Variants in GPHN observed in about 807,000 individuals in gnomAD.
The protein encoded by GPHN is gephyrin.
GPHN carries 17 observed loss-of-function variants against 95.5 expected under a neutral mutation model. The observed-to-expected ratio is 0.18, with a 90% confidence interval of 0.12 to 0.27. The LOEUF (loss-of-function observed/expected upper bound fraction) is 0.27, where lower values mean the gene tolerates loss of function less well. Among genes scored for constraint, GPHN ranks in the 10% least tolerant of loss-of-function variants. The pLI is 1.00. For missense variants in GPHN, 660 were observed against 978.1 expected (o/e 0.67, Z 4.34); for synonymous variants, 320 against 322.5 (o/e 0.99, Z 0.08).
At chr14:66,850,643 A>G (rs2062542343) in intron 4 of GPHN, among the ~76,000 whole-genome samples, 1 of 152,146 alleles carries the variant, frequency 6.6e-6, no homozygotes. Context: ...TCAGGTGGGT[A>G]GAGCCCAGGA....
At chr14:67,490,052 G>A in the GPHN span, among the ~76,000 whole-genome samples, 4 of 152,128 alleles carry the variant, frequency 2.6e-5, no homozygotes, top group African/African-American at 7.2e-5. Context: ...AATTTCTTGA[G>A]ATCATAAAAT....
chr14:66,718,449 CCAAA>C (rs2070404034), intron 2 of GPHN, among the ~76,000 whole-genome samples: 1 of 152,176 alleles, frequency 6.6e-6, no homozygotes, highest in African/African-American at 2.4e-5. Flanking sequence ...TAGTGCGGAC[CCAAA>C]CAGTGAGCAG....
At chr14:67,715,767 C>A in the GPHN span, among the ~76,000 whole-genome samples, 2 of 152,114 alleles carry the variant, frequency 1.3e-5, no homozygotes, top group Non-Finnish European at 2.9e-5. Context: ...AATCTCATAA[C>A]CAGGGAGAGA....
intron 1 of GPHN, among the ~76,000 whole-genome samples, chr14:66,665,848 C>T (rs2065918278): frequency 6.6e-6 from 1 of 152,108 alleles, no homozygotes; most frequent in Non-Finnish European, 1.5e-5. Context: ...CTTGGAACCT[C>T]CCCAAATGTC....
chr14:66,800,723 T>C (rs568271242), intron 3 of GPHN, among the ~76,000 whole-genome samples: 8 of 152,188 alleles, frequency 5.3e-5, no homozygotes, highest in Admixed American at 1.3e-4. Context: ...CTACAATGGC[T>C]ATTGATATCT....
chr14:66,770,757 A>T (rs1224549757), intron 2 of GPHN, among the ~76,000 whole-genome samples: 1 of 152,162 alleles, frequency 6.6e-6, no homozygotes, highest in Non-Finnish European at 1.5e-5. Flanking sequence ...GCCATCCAAA[A>T]ATATTAATAT....
intron 4 of GPHN, among the ~76,000 whole-genome samples, chr14:66,841,778 C>G (rs2062098653): frequency 2.6e-5 from 4 of 152,108 alleles, no homozygotes; most frequent in Admixed American, 1.3e-4. Flanking sequence ...TGGTGACTCA[C>G]ACCTGTAATC....
intron 9 of GPHN, among the ~76,000 whole-genome samples, chr14:66,995,841 A>C (rs1330530764): frequency 6.6e-6 from 1 of 152,208 alleles, no homozygotes; most frequent in Admixed American, 6.5e-5. Flanking sequence ...CACTAGTGTT[A>C]AGCCAGTGAA....
the GPHN span, chr14:67,729,215 TG>T: frequency 3.7e-6 from 6 of 1,612,462 alleles, no homozygotes; most frequent in Non-Finnish European, 4.2e-6. Context: ...ACCTACGCAG[TG>T]CACCCAGGCG....
chr14:67,023,742 G>A (rs1323091814), intron 10 of GPHN, 67 bp downstream of exon 10: 1 of 1,321,520 alleles, frequency 7.6e-7, no homozygotes, highest in Non-Finnish European at 1.1e-6. Context: ...TGATATTTTG[G>A]TGAAAAAAAA....
chr14:67,317,591 GT>G, the GPHN span: 10 of 654,038 alleles, frequency 1.5e-5, no homozygotes, highest in African/African-American at 1.9e-4. Flanking sequence ...TTAGTAGAAA[GT>G]ATTTTCTTTT....
chr14:66,612,721 G>C (rs1372554452), intron 1 of GPHN, among the ~76,000 whole-genome samples: 1 of 152,016 alleles, frequency 6.6e-6, no homozygotes, highest in African/African-American at 2.4e-5. Flanking sequence ...CCTCTTTCCA[G>C]TCAGTCTTCC....
intron 4 of GPHN, among the ~76,000 whole-genome samples, chr14:66,851,892 A>G (rs1384040382): frequency 6.6e-6 from 1 of 152,178 alleles, no homozygotes; most frequent in Non-Finnish European, 1.5e-5. Flanking sequence ...AATAGTTCAG[A>G]TAAAAGATGC....
the GPHN span, chr14:67,695,525 A>G: frequency 8.8e-7 from 1 of 1,137,382 alleles, no homozygotes; most frequent in Non-Finnish European, 1.2e-6. Context: ...GCCATCTTGG[A>G]GCCCCCCCAG....
At chr14:66,877,813 AT>A (rs1264133624) in intron 4 of GPHN, among the ~76,000 whole-genome samples, 8 of 152,196 alleles carry the variant, frequency 5.3e-5, no homozygotes, top group Non-Finnish European at 1.2e-4. Flanking sequence ...GCCCAAAGGA[AT>A]TTATAGATTC....
At chr14:67,157,809 C>T (rs556921736) in intron 18 of GPHN, among the ~76,000 whole-genome samples, 1 of 146,334 alleles carries the variant, frequency 6.8e-6, no homozygotes, top group African/African-American at 2.6e-5. Context: ...GCCTGGGTGA[C>T]AGAGAGAGAC....
intron 4 of GPHN, among the ~76,000 whole-genome samples, chr14:66,868,599 G>A (rs1245733497): frequency 1.3e-5 from 2 of 151,994 alleles, no homozygotes; most frequent in Non-Finnish European, 2.9e-5. Context: ...TCACCATGTT[G>A]GCCAGGCTGG....
chr14:67,597,773 G>T, the GPHN span, among the ~76,000 whole-genome samples: 112 of 150,576 alleles, frequency 7.4e-4, no homozygotes, highest in Non-Finnish European at 7.6e-4. Flanking sequence ...AAAAAAAAAA[G>T]ACATTAAAGC....
At chr14:66,585,484 G>T (rs919051312) in intron 1 of GPHN, among the ~76,000 whole-genome samples, 3 of 152,040 alleles carry the variant, frequency 2.0e-5, no homozygotes, top group Non-Finnish European at 4.4e-5. Context: ...TGATGTTAGG[G>T]TGTCAATTTT....
Sources: allele counts gnomAD v4.1 joint callset (sites outside exome capture counted in the v4.1 genomes callset), GRCh38; gene constraint gnomAD v4.1.1; transcripts MANE v1.5; gene names NCBI Gene and HGNC (gene_info 2026-07-23, HGNC 2026-07-21).